Variants in ZNF234 observed in about 807,000 individuals in gnomAD.
The protein encoded by ZNF234 is C2-H2 type zinc finger protein.
Under a neutral mutation model 10.3 loss-of-function variants are expected in ZNF234, and 4 were observed. The observed-to-expected ratio is 0.39, with a 90% CI of 0.19 to 0.89. The LOEUF (loss-of-function observed/expected upper bound fraction) is 0.89. ZNF234 is among the 40% of genes least tolerant of loss of function. The probability of loss-of-function intolerance (pLI) is 0.38; values close to 1 mark genes in which losing one functional copy is unlikely to be tolerated. For missense variants in ZNF234, 711 were observed against 836.1 expected (o/e 0.85, Z 1.85); for synonymous variants, 258 against 280.1 (o/e 0.92, Z 0.79).
intron 2 of ZNF234, 126 bp from the exon 3 acceptor site, chr19:44,144,431 T>C (rs1482145175): frequency 2.4e-6 from 1 of 409,374 alleles, no homozygotes; most frequent in Non-Finnish European, 4.3e-6. Context: ...ATTTTGGTTG[T>C]GTGCAGTTTG....
At chr19:44,143,378 G>A (rs985306384) in intron 2 of ZNF234, among the ~76,000 whole-genome samples, 1 of 152,192 alleles carries the variant, frequency 6.6e-6, no homozygotes, top group Non-Finnish European at 1.5e-5. Context: ...GGGAGGCCGA[G>A]GCGGGCGGAT....
rs1968875787 is a variant in ZNF234 at position 44,156,204 on chromosome 19, A to G, written c.236-48A>G. On this transcript the variant is annotated intron_variant, in intron 5 of 5. Coordinates refer to ENST00000426739, the MANE Select transcript of ZNF234 (RefSeq NM_006630.3). ...GCTCTCGCCTAAGTATGACATCTTGAAAACTTTTAACAGAGCCTCCACATC... is the reference window on the plus strand; with the variant it reads ...GCTCTCGCCTAAGTATGACATCTTGGAAACTTTTAACAGAGCCTCCACATC... The G allele has an allele frequency of 2.0e-6, 3 of 1,506,708 alleles. No homozygotes were observed. The East Asian group carries it at 6.8e-5, about 34-fold the overall frequency. 93.3% of individuals were successfully genotyped at this position (1,506,708 alleles called of 1,614,324 possible). A position where few individuals can be genotyped will look rare whatever the true frequency, so the allele number is the denominator to read the frequency against.
Position 44,156,263 on chromosome 19 carries a change from C to G in ZNF234, c.247C>G (p.Gln83Glu). Reference sequence around the variant, plus strand: ...CTCTGTCCTTACAGCAGACAAGATCCAAAGTGAGGTGGAGACTGTTCCAGA... The same window carrying G: ...CTCTGTCCTTACAGCAGACAAGATCGAAAGTGAGGTGGAGACTGTTCCAGA... Reference protein sequence around the residue: ...QRKGKSADKIQSEVETVPEAG... With the variant: ...QRKGKSADKIESEVETVPEAG... The change falls in exon 6 of 6, where the codon CAA becomes GAA. Residue 83 changes from glutamine to glutamate, a missense_variant. Coordinates refer to ENST00000426739, the MANE Select transcript of ZNF234 (RefSeq NM_006630.3). The G allele has an allele frequency of 6.5e-7, 1 of 1,548,618 alleles. No homozygotes were observed. The highest frequency in any genetic ancestry group is 8.7e-7 in the Non-Finnish European group (1 of 1,153,496).
chr19:44,146,916 A>G (rs1029892033), intron 3 of ZNF234, among the ~76,000 whole-genome samples: 6 of 147,692 alleles, frequency 4.1e-5, no homozygotes, highest in East Asian at 2.0e-4. Flanking sequence ...CCCGGGTTCA[A>G]GTGATTCTTC....
At chr19:44,147,628 G>A (rs1025828054) in intron 3 of ZNF234, among the ~76,000 whole-genome samples, 4 of 152,162 alleles carry the variant, frequency 2.6e-5, no homozygotes, top group Non-Finnish European at 4.4e-5. Context: ...CAAGGCAGGC[G>A]GATCACCTGA....
chr19:44,156,238 C>A lies in ZNF234; in HGVS notation c.236-14C>A, dbSNP rs1352552754. On this transcript the variant is annotated splice_polypyrimidine_tract_variant and intron_variant, in intron 5 of 5. Transcript: ENST00000426739. ...AACAGAGCCTCCACATCTCTGAATT[C>A]TCTGTCCTTACAGCAGACAAGATCC... 6.5e-7 allele frequency: 1 copy of A among 1,528,742 alleles called. No homozygotes were observed. Among genetic ancestry groups the A allele is most frequent in the African/African-American group, 1.4e-5 (1 of 71,878 alleles). The allele number at this position is 1,528,742 out of a possible 1,614,324, so 94.7% of individuals were successfully genotyped here.
At position 44,159,532 on chromosome 19, in the gene ZNF234, C is replaced by G; in HGVS notation, c.*1413C>G. ...TGCAGACTGAAAAAAATTTAATTAA[C>G]CTGACAAGAGTTTACTGAATATCAC... On this transcript the variant is annotated 3_prime_UTR_variant, in exon 6 of 6. Coordinates refer to ENST00000426739, the MANE Select transcript of ZNF234 (RefSeq NM_006630.3). 2.6e-6 allele frequency: 1 copy of G among 387,370 alleles called. No individual in the cohort carries two copies. Among genetic ancestry groups the G allele is most frequent in the Non-Finnish European group, 5.5e-6 (1 of 180,388 alleles). The allele number at this position is 387,370 out of a possible 1,614,324, so 24.0% of individuals were successfully genotyped here. A position where few individuals can be genotyped will look rare whatever the true frequency, so the allele number is the denominator to read the frequency against.
At chr19:44,147,721 G>T (rs140825912) in intron 3 of ZNF234, among the ~76,000 whole-genome samples, 2 of 152,046 alleles carry the variant, frequency 1.3e-5, no homozygotes, top group African/African-American at 4.8e-5. Flanking sequence ...GCATGGTGGC[G>T]CATGCCTATA....
chr19:44,143,616 G>GAAAAAAA (rs61062157), intron 2 of ZNF234, among the ~76,000 whole-genome samples: 12 of 111,816 alleles, frequency 1.1e-4, no homozygotes, highest in East Asian at 2.5e-4. Flanking sequence ...CTCAGAAAAA[G>GAAAAAAA]AAAAAAAAAA....
chr19:44,153,194 G>A (rs918437560), intron 5 of ZNF234, among the ~76,000 whole-genome samples: 22 of 59,634 alleles, frequency 3.7e-4, no homozygotes, highest in African/African-American at 2.5e-3. Flanking sequence ...ATATATATGC[G>A]CCAAGAGTTA....
Position 44,144,650 on chromosome 19 carries a change from G to T in ZNF234, c.15+3G>T. ...GAGGAAAAATGACCACATTCAAGGT[G>T]AATAAGGCTTGCCACTCTTGCTGTT... On this transcript the variant is annotated splice_donor_region_variant and intron_variant, in intron 3 of 5. Transcript: ENST00000426739. The T allele has an allele frequency of 6.4e-7, 1 of 1,554,766 alleles. No individual in the cohort carries two copies. The highest frequency in any genetic ancestry group is 1.3e-5 in the African/African-American group (1 of 74,152).
Position 44,156,565 on chromosome 19 carries a change from A to G in ZNF234, c.549A>G (p.Lys183=). 1 of 1,614,098 alleles carries G rather than the reference A, an allele frequency of 6.2e-7. No homozygotes were observed. ...EKSHTCDECG[K]SFCYISALHI... is the part of the protein sequence containing the mutation. ...CTCATACATGTGATGAGTGTGGAAA[A>G]AGCTTCTGTTACATCTCAGCCCTTC... Residue 183 remains lysine, a synonymous_variant, in exon 6 of 6, where the codon AAA becomes AAG. Coordinates refer to ENST00000426739, the MANE Select transcript of ZNF234 (RefSeq NM_006630.3).
intron 5 of ZNF234, among the ~76,000 whole-genome samples, chr19:44,152,699 C>G (rs933890573): frequency 9.9e-5 from 15 of 152,170 alleles, no homozygotes; most frequent in African/African-American, 3.6e-4. Flanking sequence ...GCTCCCCCCA[C>G]AAGAAGATAA....
At position 44,157,582 on chromosome 19, in the gene ZNF234, T is replaced by G. The variant is rs773615109; in HGVS notation, c.1566T>G (p.Ser522Arg). 7 of 1,613,916 alleles carry G rather than the reference T, an allele frequency of 4.3e-6. No individual in the cohort carries two copies. The highest frequency in any genetic ancestry group is 1.7e-5 in the Admixed American group (1 of 59,990). Reference protein sequence around the residue: ...YNCEECGKVFSQASHLLTHQR... With the variant: ...YNCEECGKVFRQASHLLTHQR... ...GTGAGGAGTGTGGGAAGGTCTTCAGTCAGGCCTCGCATCTTCTAACCCATC... is the reference window on the plus strand; with the variant it reads ...GTGAGGAGTGTGGGAAGGTCTTCAGGCAGGCCTCGCATCTTCTAACCCATC... Residue 522 changes from serine (S) to arginine (R), a missense_variant, in exon 6 of 6, where the codon AGT becomes AGG. Coordinates refer to ENST00000426739, the MANE Select transcript of ZNF234 (RefSeq NM_006630.3).
intron 5 of ZNF234, among the ~76,000 whole-genome samples, chr19:44,155,607 T>C (rs1968858913): frequency 6.6e-6 from 1 of 152,184 alleles, no homozygotes; most frequent in Non-Finnish European, 1.5e-5. Flanking sequence ...AAACCTGTGT[T>C]GTTCAACGGT....
chr19:44,158,132 A>T lies in ZNF234; in HGVS notation c.*13A>T. 6.3e-7 allele frequency: 1 copy of T among 1,585,642 alleles called. No individual in the cohort carries two copies. Among genetic ancestry groups the T allele is most frequent in the Non-Finnish European group, 8.5e-7 (1 of 1,173,274 alleles). On this transcript the variant is annotated 3_prime_UTR_variant, in exon 6 of 6. Coordinates refer to ENST00000426739, the MANE Select transcript of ZNF234 (RefSeq NM_006630.3). ...TTCTACAAGGTGATTAAAAAAAAAA[A>T]AACAGAACTCATGTACAACCTGAAT... is the stretch of plus-strand genomic sequence containing the variant.
intron 3 of ZNF234, among the ~76,000 whole-genome samples, chr19:44,146,324 C>T (rs896202366): frequency 2.0e-5 from 3 of 152,120 alleles, no homozygotes; most frequent in African/African-American, 4.8e-5. Flanking sequence ...AGTGGTTTCT[C>T]GGGTATATAC....
Position 44,157,972 on chromosome 19 carries a change from CAAATG to C in ZNF234, c.1957_1961del (p.Lys653Ter). On this transcript the variant is annotated frameshift_variant, in exon 6 of 6. Transcript: ENST00000426739. LOFTEE classifies it low-confidence loss of function (END_TRUNC). The stretch of plus-strand genomic sequence containing the variant: ...GAGTTCACACTGGGGAAAAACCTTA[CAAATG>C]TGAGATATGTGGTAAGAGGTTCAGC... 6 of 1,613,912 alleles carry C rather than the reference CAAATG, an allele frequency of 3.7e-6. No homozygotes were observed. Among genetic ancestry groups the C allele is most frequent in the Non-Finnish European group, 5.1e-6 (6 of 1,179,892 alleles).
At position 44,158,958 on chromosome 19, in the gene ZNF234, A is replaced by T. The variant is rs1030555192; in HGVS notation, c.*839A>T. On this transcript the variant is annotated 3_prime_UTR_variant, in exon 6 of 6. Transcript: ENST00000426739. The stretch of plus-strand genomic sequence containing the variant: ...TAAATGCACAATATTTGAACATTGT[A>T]TCCAAAGGAAGAAACCTGCGAAATA... The T allele has an allele frequency of 1.3e-5, 2 of 152,248 alleles. No individual in the cohort carries two copies. Among genetic ancestry groups the T allele is most frequent in the Non-Finnish European group, 2.9e-5 (2 of 68,066 alleles). 9.4% of individuals were successfully genotyped at this position (152,248 alleles called of 1,614,324 possible). A position where few individuals can be genotyped will look rare whatever the true frequency, so the allele number is the denominator to read the frequency against.
Sources: gnomAD v4.1 joint callset for allele counts (sites outside exome capture counted in the v4.1 genomes callset) on GRCh38, gnomAD v4.1.1 for gene constraint, MANE v1.5 for transcripts, NCBI Gene and HGNC (gene_info 2026-07-23, HGNC 2026-07-21) for gene names.